EPHA4: variants seen among roughly 807,000 people sequenced by gnomAD.
The protein encoded by EPHA4 is ephrin type-A receptor 4.
Under a neutral mutation model 108.3 loss-of-function variants are expected in EPHA4, and 19 were observed. The ratio of observed to expected loss-of-function variants is 0.18; its 90% CI spans 0.12 to 0.26. The LOEUF is 0.26. Ranked by LOEUF, EPHA4 falls within the 10% of genes least tolerant of loss-of-function variation. The pLI is 1.00. For synonymous variants in EPHA4, 449 were observed against 455.5 expected, an observed-to-expected ratio of 0.99 and a Z score of 0.18; for missense variants, 917 against 1,254.0, an observed-to-expected ratio of 0.73 and a Z score of 4.06.
intron 3 of EPHA4, among the ~76,000 whole-genome samples, chr2:221,528,738 C>G (rs905137084): frequency 1.3e-5 from 2 of 152,144 alleles, no homozygotes; most frequent in Non-Finnish European, 2.9e-5. Context: ...TCCCTGACAC[C>G]ATTTCCCCAT....
At chr2:221,549,814 C>T (rs1002602769) in intron 3 of EPHA4, among the ~76,000 whole-genome samples, 9 of 152,140 alleles carry the variant, frequency 5.9e-5, no homozygotes, top group African/African-American at 2.2e-4. Context: ...TGGTGAAACC[C>T]CATCTCTACT....
chr2:221,483,535 T>TGA (rs1553576834), intron 4 of EPHA4, among the ~76,000 whole-genome samples: 19 of 150,304 alleles, frequency 1.3e-4, no homozygotes, highest in East Asian at 9.9e-4. Flanking sequence ...TGTGTGTGTG[T>TGA]GATGGAGTCT....
chr2:221,443,172 GCTA>G (rs1043203683), intron 10 of EPHA4, among the ~76,000 whole-genome samples, 158 bp from the exon 11 acceptor site: 3 of 152,266 alleles, frequency 2.0e-5, no homozygotes, highest in Middle Eastern at 6.8e-3. Flanking sequence ...TGAAGTAGAT[GCTA>G]CTATTAGCCC....
chr2:221,501,400 A>T (rs1692485868), intron 3 of EPHA4: 1 of 405,518 alleles, frequency 2.5e-6, no homozygotes, highest in African/African-American at 2.0e-5. Flanking sequence ...CAAAGGAAGA[A>T]ATTTTCTTAA....
intron 5 of EPHA4, among the ~76,000 whole-genome samples, chr2:221,468,724 G>C (rs897896083): frequency 1.3e-5 from 2 of 152,180 alleles, no homozygotes; most frequent in Non-Finnish European, 2.9e-5. Context: ...TTAAAAGCCT[G>C]CTCCAGAAAC....
At chr2:221,547,880 T>G (rs530075452) in intron 3 of EPHA4, among the ~76,000 whole-genome samples, 3 of 152,342 alleles carry the variant, frequency 2.0e-5, no homozygotes, top group Admixed American at 2.0e-4. Context: ...CAAGGCTGTT[T>G]AAGGATGAAA....
At chr2:221,501,198 C>T in intron 3 of EPHA4, 26 bp from the exon 4 acceptor site, 3 of 1,550,610 alleles carry the variant, frequency 1.9e-6, no homozygotes, top group Non-Finnish European at 2.6e-6. Context: ...AAAAAACAAA[C>T]AAATAGAAAC....
At chr2:221,563,456 C>T (rs1314739015) in intron 3 of EPHA4, among the ~76,000 whole-genome samples, 1 of 152,212 alleles carries the variant, frequency 6.6e-6, no homozygotes, top group Non-Finnish European at 1.5e-5. Context: ...TGTTCATTTA[C>T]ATTTCAGAGG....
intron 17 of EPHA4, among the ~76,000 whole-genome samples, chr2:221,424,659 G>A (rs997101218): frequency 6.6e-6 from 1 of 152,184 alleles, no homozygotes; most frequent in Non-Finnish European, 1.5e-5. Context: ...GCCGAGGCGA[G>A]TTCCAAGTCT....
chr2:221,430,709 C>G (rs936985199), intron 14 of EPHA4, among the ~76,000 whole-genome samples: 26 of 152,144 alleles, frequency 1.7e-4, no homozygotes, highest in African/African-American at 5.8e-4. Context: ...TTACTCTACC[C>G]CTAGACACCA....
chr2:221,427,443 T>C (rs183266102), intron 15 of EPHA4, among the ~76,000 whole-genome samples: 37 of 152,330 alleles, frequency 2.4e-4, no homozygotes, highest in Admixed American at 2.3e-3. Flanking sequence ...TATTGACATA[T>C]AAAAAATCAT....
At chr2:221,549,238 T>C (rs59682548) in intron 3 of EPHA4, among the ~76,000 whole-genome samples, 1,710 of 152,330 alleles carry the variant, frequency 0.011, 37 homozygotes, top group African/African-American at 0.039. Context: ...CAGTGAATGT[T>C]TGTCCTCTGG....
upstream of EPHA4, chr2:221,572,334 T>G (rs1694871645): frequency 8.0e-7 from 1 of 1,255,418 alleles, no homozygotes; most frequent in Non-Finnish European, 1.1e-6. Context: ...CTGAAGACAT[T>G]GCCAAGGGGG....
chr2:221,429,902 G>T, intron 15 of EPHA4, 56 bp downstream of exon 15: 1 of 1,581,552 alleles, frequency 6.3e-7, no homozygotes, highest in African/African-American at 1.4e-5. Flanking sequence ...GTCACCACTT[G>T]CCTGCCTCCT....
intron 14 of EPHA4, among the ~76,000 whole-genome samples, chr2:221,432,183 A>G (rs889939829): frequency 2.0e-5 from 3 of 151,080 alleles, no homozygotes; most frequent in South Asian, 2.1e-4. Context: ...TAAACTGCCA[A>G]AATTACAGAT....
At chr2:221,458,991 A>G (rs1691052012) in intron 5 of EPHA4, among the ~76,000 whole-genome samples, 1 of 152,190 alleles carries the variant, frequency 6.6e-6, no homozygotes, top group South Asian at 2.1e-4. Flanking sequence ...GCCACTGAGG[A>G]AGGATAAATT....
intron 4 of EPHA4, among the ~76,000 whole-genome samples, chr2:221,493,002 T>C (rs1202895675): frequency 1.3e-5 from 2 of 152,194 alleles, no homozygotes; most frequent in African/African-American, 2.4e-5. Context: ...ACGAAAATGA[T>C]TGATTGCATG....
At chr2:221,490,258 T>TA (rs796139643) in intron 4 of EPHA4, among the ~76,000 whole-genome samples, 2,137 of 116,006 alleles carry the variant, frequency 0.018, 53 homozygotes, top group African/African-American at 0.055. Flanking sequence ...TGCTAAAATG[T>TA]AAAAAAAAAA....
intron 15 of EPHA4, among the ~76,000 whole-genome samples, chr2:221,429,549 T>C (rs934124146): frequency 6.6e-5 from 10 of 152,190 alleles, no homozygotes; most frequent in Non-Finnish European, 1.0e-4. Flanking sequence ...AAAATTGCCG[T>C]GCTTAAAGAC....
Sources: allele counts gnomAD v4.1 joint callset (sites outside exome capture counted in the v4.1 genomes callset), GRCh38; gene constraint gnomAD v4.1.1; transcripts MANE v1.5; gene names NCBI Gene and HGNC (gene_info 2026-07-23, HGNC 2026-07-21).